NSUN4: variants seen among roughly 807,000 people sequenced by gnomAD.
NSUN4 encodes the protein NOP2/Sun RNA methyltransferase 4.
In NSUN4, 31 loss-of-function variants were observed where a neutral mutation model predicts 43.8. The ratio of observed to expected loss-of-function variants is 0.71; its 90% CI spans 0.53 to 0.96. NSUN4 has a LOEUF of 0.96. NSUN4 is among the 40% of genes least tolerant of loss of function. The pLI is 0.00. For missense variants in NSUN4, 439 were observed against 475.6 expected (o/e 0.92, Z 0.72); for synonymous variants, 167 against 184.1 (o/e 0.91, Z 0.75).
chr1:46,356,570 G>T (rs1392741913), intron 4 of NSUN4, among the ~76,000 whole-genome samples: 3 of 151,938 alleles, frequency 2.0e-5, no homozygotes, highest in African/African-American at 4.8e-5. Context: ...CGGGCGCCTG[G>T]AATCCCAGCT....
intron 1 of NSUN4, chr1:46,344,195 C>A: frequency 6.1e-6 from 1 of 162,710 alleles, no homozygotes; most frequent in Non-Finnish European, 1.3e-5. Context: ...ATTCTGTGGG[C>A]CCTCCTTATC....
intron 5 of NSUN4, 131 bp downstream of exon 5, chr1:46,360,959 A>G: frequency 2.0e-6 from 2 of 999,028 alleles, no homozygotes; most frequent in Middle Eastern, 6.6e-4. Flanking sequence ...GAGGAGACAG[A>G]AATGGGATCA....
chr1:46,344,384 C>G, intron 1 of NSUN4: 1 of 177,076 alleles, frequency 5.6e-6, no homozygotes, highest in Non-Finnish European at 1.2e-5. Context: ...CTCACATAAG[C>G]TAGTAGACAT....
chr1:46,342,818 C>T, intron 1 of NSUN4: 2 of 399,568 alleles, frequency 5.0e-6, no homozygotes, highest in East Asian at 3.6e-5. Flanking sequence ...TCTCCCTAGT[C>T]AACACTCCCC....
chr1:46,353,728 C>T (rs1248973783), intron 4 of NSUN4, among the ~76,000 whole-genome samples: 1 of 152,096 alleles, frequency 6.6e-6, no homozygotes, highest in African/African-American at 2.4e-5. Context: ...CCACCCGCCT[C>T]GGCCTCCCAA....
At chr1:46,347,806 AATT>A (rs1228269028) in intron 3 of NSUN4, among the ~76,000 whole-genome samples, 2 of 150,486 alleles carry the variant, frequency 1.3e-5, no homozygotes, top group East Asian at 3.9e-4. Flanking sequence ...GCTCTTGTTA[AATT>A]TTCTCCCTGG....
chr1:46,369,190 C>A (rs1385144142), downstream of NSUN4, among the ~76,000 whole-genome samples: 1 of 152,202 alleles, frequency 6.6e-6, no homozygotes, highest in East Asian at 1.9e-4. Flanking sequence ...CCCCAACCTT[C>A]TCTATAATAC....
At chr1:46,344,351 T>G (rs1662327236) in intron 1 of NSUN4, 1 of 164,288 alleles carries the variant, frequency 6.1e-6, no homozygotes, top group Non-Finnish European at 1.3e-5. Flanking sequence ...TTTTTGTATC[T>G]TACTGAGCTA....
chr1:46,372,332 A>T, the NSUN4 span, among the ~76,000 whole-genome samples: 1 of 151,032 alleles, frequency 6.6e-6, no homozygotes, highest in Non-Finnish European at 1.5e-5. Context: ...TTTAGTAGAG[A>T]TGGGGTTTCA....
chr1:46,379,920 C>G, the NSUN4 span, among the ~76,000 whole-genome samples: 2 of 152,170 alleles, frequency 1.3e-5, no homozygotes, highest in South Asian at 4.1e-4. Flanking sequence ...TCACCTCCCC[C>G]AAAAGCTCCA....
At chr1:46,351,969 G>C (rs1000379367) in intron 3 of NSUN4, among the ~76,000 whole-genome samples, 5 of 150,854 alleles carry the variant, frequency 3.3e-5, no homozygotes, top group African/African-American at 9.7e-5. Flanking sequence ...TGGCCTTCCA[G>C]TCTCTTTTTA....
chr1:46,371,563 C>T, the NSUN4 span, among the ~76,000 whole-genome samples: 1 of 152,140 alleles, frequency 6.6e-6, no homozygotes, highest in Admixed American at 6.6e-5. Flanking sequence ...ACCTCGGCCT[C>T]CCAAAGTTCT....
At chr1:46,368,554 C>T (rs776974609), downstream of NSUN4, among the ~76,000 whole-genome samples, 17 of 152,146 alleles carry the variant, frequency 1.1e-4, no homozygotes, top group Non-Finnish European at 1.5e-4. Flanking sequence ...CTCAGTTAAA[C>T]GGTTAGGTGA....
rs1420310161 is a variant in NSUN4, at chr1:46,360,726, C to T, written c.776C>T (p.Thr259Ile). 13 of 1,613,808 alleles carry T rather than the reference C, an allele frequency of 8.1e-6. No homozygotes were observed. Among genetic ancestry groups the T allele is most frequent in the Non-Finnish European group, 1.0e-5 (12 of 1,179,860 alleles). Reference protein sequence around the residue: ...YDRVLVDVPCTTDRHSLHEEE... With the variant: ...YDRVLVDVPCITDRHSLHEEE... The stretch of plus-strand genomic sequence containing the variant: ...TAGGTGCTGGTGGATGTGCCCTGTA[C>T]CACAGACCGCCACTCCCTTCATGAG... The change falls in exon 5 of 6, where the codon ACC becomes ATC. Residue 259 changes from threonine to isoleucine, a missense_variant. Coordinates refer to ENST00000474844, the MANE Select transcript of NSUN4 (RefSeq NM_199044.4).
intron 4 of NSUN4, among the ~76,000 whole-genome samples, chr1:46,354,663 T>C (rs941510894): frequency 2.2e-5 from 2 of 89,516 alleles, no homozygotes; most frequent in Admixed American, 1.0e-4. Context: ...ATTTTTTTCT[T>C]TTTTTTTTTT....
At chr1:46,354,604 TTAGA>T (rs1569757455) in intron 4 of NSUN4, among the ~76,000 whole-genome samples, 1 of 152,076 alleles carries the variant, frequency 6.6e-6, no homozygotes, top group Non-Finnish European at 1.5e-5. Context: ...TTATGGAATC[TTAGA>T]TAGGCTTGAG....
chr1:46,361,437 G>A, intron 5 of NSUN4, 133 bp from the exon 6 acceptor site: 1 of 744,474 alleles, frequency 1.3e-6, no homozygotes, highest in Non-Finnish European at 2.2e-6. Flanking sequence ...ATTGTGGAAG[G>A]GACTTGAGAG....
chr1:46,350,492 C>A (rs1662898882), intron 3 of NSUN4, among the ~76,000 whole-genome samples: 1 of 152,174 alleles, frequency 6.6e-6, no homozygotes, highest in Non-Finnish European at 1.5e-5. Context: ...CCTTGTTGTT[C>A]TTTGACTCAG....
chr1:46,356,380 A>C lies in NSUN4; in HGVS notation c.753+3352A>C, dbSNP rs139836112. Among the ~76,000 whole-genome samples the C allele has an allele frequency of 3.0e-3, 455 of 152,084 alleles. 2 individuals carry two copies. The highest frequency in any genetic ancestry group is 9.7e-3 in the African/African-American group (403 of 41,550). ...GCCACCGTGCCCAGCCGTGTTAAGC[A>C]CTTTAGATGCAAAGAAGAATGCTAC... On this transcript the variant is annotated intron_variant, in intron 4 of 5. Coordinates refer to ENST00000474844, the MANE Select transcript of NSUN4 (RefSeq NM_199044.4).
Sources: gnomAD v4.1 joint callset for allele counts (sites outside exome capture counted in the v4.1 genomes callset) on GRCh38, gnomAD v4.1.1 for gene constraint, MANE v1.5 for transcripts, NCBI Gene and HGNC (gene_info 2026-07-23, HGNC 2026-07-21) for gene names.